BPIFC: variants seen among roughly 807,000 people sequenced by gnomAD.
BPIFC encodes the protein BPI fold containing family C.
A neutral mutation model predicts 57.6 loss-of-function variants in BPIFC; 60 were observed. The observed-to-expected ratio is 1.04, with a 90% CI of 0.85 to 1.29. The LOEUF is 1.29. Ranked by LOEUF, BPIFC falls within the 50% of genes most tolerant of loss-of-function variation. The probability of loss-of-function intolerance (pLI) is 0.00; values close to 1 mark genes in which losing one functional copy is unlikely to be tolerated. For synonymous variants in BPIFC, 243 were observed against 224.5 expected, an observed-to-expected ratio of 1.08 and a Z score of -0.74; for missense variants, 581 against 600.5, an observed-to-expected ratio of 0.97 and a Z score of 0.34.
Position 32,457,360 on chromosome 22 carries a change from G to T in BPIFC, c.27C>A (p.Leu9=). MCTKTIPV[L]WGCFLLWNLY... is the part of the protein sequence containing the mutation. ...GATTCCACAGGAGGAAACATCCCCA[G>T]AGGACTGGGATTGTCTTTGTACACA... The change falls in exon 3 of 17, where the codon CTC becomes CTA. Residue 9 remains leucine, a synonymous_variant. Coordinates refer to ENST00000300399, the MANE Select transcript of BPIFC (RefSeq NM_174932.3). 1.9e-6 allele frequency: 3 copies of T among 1,610,722 alleles called. No homozygotes were observed. Among genetic ancestry groups the T allele is most frequent in the Non-Finnish European group, 2.5e-6 (3 of 1,179,060 alleles).
At chr22:32,446,718 C>T (rs1934740007) in intron 5 of BPIFC, 1 of 983,190 alleles carries the variant, frequency 1.0e-6, no homozygotes, top group African/African-American at 1.7e-5. Context: ...TTGCAACTGG[C>T]CTGTAAAAGT....
Position 32,418,598 on chromosome 22 carries a change from G to A in BPIFC, c.1260+764C>T, listed in dbSNP as rs371912159. On this transcript the variant is annotated intron_variant, in intron 14 of 16. Transcript: ENST00000300399. ...AGAACCACTGCTTTAGAATGTAAGC[G>A]CCTTGAGGGTAGAGATTTTATCTGT... is the stretch of plus-strand genomic sequence containing the variant. Among the ~76,000 whole-genome samples, 23 of 152,242 alleles carry A rather than the reference G, an allele frequency of 1.5e-4. No individual in the cohort carries two copies. The East Asian group carries it at 2.9e-3, about 19-fold the overall frequency.
rs1934243807 is a variant in BPIFC, at chr22:32,431,549, T to C, written c.1150-135A>G. On this transcript the variant is annotated intron_variant, in intron 12 of 16. Coordinates refer to ENST00000300399, the MANE Select transcript of BPIFC (RefSeq NM_174932.3). ...AAAGACATTGGAAGTCTAAAAGACA[T>C]TGGAAATACAGACCTCTGAAAATCC... The C allele has an allele frequency of 8.1e-6, 5 of 616,110 alleles. No individual in the cohort carries two copies. In the Admixed American group the frequency reaches 1.2e-4, roughly 15 times the overall value. 38.2% of individuals were successfully genotyped at this position (616,110 alleles called of 1,614,324 possible).
intron 4 of BPIFC, among the ~76,000 whole-genome samples, chr22:32,451,265 G>A (rs1199128381): frequency 6.6e-6 from 1 of 152,130 alleles, no homozygotes; most frequent in Non-Finnish European, 1.5e-5. Flanking sequence ...TCTTAATCCA[G>A]TCTATCATAG....
At chr22:32,437,713 T>A in intron 9 of BPIFC, 47 bp downstream of exon 9, 1 of 1,332,446 alleles carries the variant, frequency 7.5e-7, no homozygotes, top group Non-Finnish European at 1.1e-6. Flanking sequence ...TTTCTAAATA[T>A]TGGCTGTTGA....
chr22:32,433,312 C>T (rs957073825), intron 11 of BPIFC, among the ~76,000 whole-genome samples: 2 of 152,182 alleles, frequency 1.3e-5, no homozygotes, highest in African/African-American at 4.8e-5. Context: ...ATCCCTAGCC[C>T]GTAGGTTCAT....
intron 9 of BPIFC, among the ~76,000 whole-genome samples, chr22:32,436,763 A>G (rs1250842690): frequency 6.6e-6 from 1 of 152,222 alleles, no homozygotes; most frequent in East Asian, 1.9e-4. Flanking sequence ...GTGTCTGCTG[A>G]GTACCTGGGG....
In BPIFC at chr22:32,442,695, T is replaced by C; in HGVS notation, c.631A>G (p.Asn211Asp). 1 of 1,613,972 alleles carries C rather than the reference T, an allele frequency of 6.2e-7. No homozygotes were observed. Among genetic ancestry groups the C allele is most frequent in the East Asian group, 2.2e-5 (1 of 44,876 alleles). Reference sequence around the variant, plus strand: ...CCCTCCAGTGTGCTGAGGTTGGCATTTAGCGCTTTGACTTCACTTGCAATA... The same window carrying C: ...CCCTCCAGTGTGCTGAGGTTGGCATCTAGCGCTTTGACTTCACTTGCAATA... ...PIIASEVKAL[N>D]ANLSTLEVLT... Residue 211 changes from asparagine to aspartate, a missense_variant, in exon 8 of 17, where the codon AAT (asparagine) becomes GAT (aspartate). By Grantham distance (23) the Asn-to-Asp change is conservative. Coordinates refer to ENST00000300399, the MANE Select transcript of BPIFC (RefSeq NM_174932.3).
chr22:32,414,680 A>C (rs1393563628), intron 16 of BPIFC, among the ~76,000 whole-genome samples: 1 of 151,866 alleles, frequency 6.6e-6, no homozygotes, highest in African/African-American at 2.4e-5. Flanking sequence ...CACCCGGCTA[A>C]TTTTTGTATT....
Position 32,414,185 on chromosome 22 carries a change from GC to G in BPIFC, c.*117del. Reference sequence around the variant, plus strand: ...GAAGGCTTAAGAAAGAAAACTTTCTGCCTAAGCAATTCACAAGGGCTTTACA... The same window carrying G: ...GAAGGCTTAAGAAAGAAAACTTTCTGCTAAGCAATTCACAAGGGCTTTACA... On this transcript the variant is annotated 3_prime_UTR_variant, in exon 17 of 17. Coordinates refer to ENST00000300399, the MANE Select transcript of BPIFC (RefSeq NM_174932.3). The G allele has an allele frequency of 7.2e-7, 1 of 1,391,838 alleles. No individual in the cohort carries two copies. Among genetic ancestry groups the G allele is most frequent in the South Asian group, 1.4e-5 (1 of 69,204 alleles). The allele number at this position is 1,391,838 out of a possible 1,614,324, so 86.2% of individuals were successfully genotyped here.
chr22:32,460,487 T>C lies in BPIFC; in HGVS notation c.-1+1087A>G, dbSNP rs181115500. Reference sequence around the variant, plus strand: ...GTCTGTGGGTAAGTTCATCTTCAGGTCTGAGAAGGCTGGCTGGGTCAACCT... The same window carrying C: ...GTCTGTGGGTAAGTTCATCTTCAGGCCTGAGAAGGCTGGCTGGGTCAACCT... On this transcript the variant is annotated intron_variant, in intron 2 of 16. Coordinates refer to ENST00000300399, the MANE Select transcript of BPIFC (RefSeq NM_174932.3). 5.9e-5 allele frequency among the ~76,000 whole-genome samples: 9 copies of C among 152,300 alleles called. No homozygotes were observed. The East Asian group carries it at 9.6e-4, about 16-fold the overall frequency.
chr22:32,437,899 T>C lies in BPIFC; in HGVS notation c.656-48A>G, dbSNP rs1934454472. On this transcript the variant is annotated intron_variant, in intron 8 of 16. Transcript: ENST00000300399. Reference sequence around the variant, plus strand: ...AGAAAATCCATATTCATTAAAGGCATAGTATAATATATGAATGATGTCTAT... The same window carrying C: ...AGAAAATCCATATTCATTAAAGGCACAGTATAATATATGAATGATGTCTAT... 3.7e-6 allele frequency: 4 copies of C among 1,071,656 alleles called. No homozygotes were observed. The East Asian group carries it at 7.4e-5, about 20-fold the overall frequency. The allele number at this position is 1,071,656 out of a possible 1,614,324, so 66.4% of individuals were successfully genotyped here. A position where few individuals can be genotyped will look rare whatever the true frequency, so the allele number is the denominator to read the frequency against.
chr22:32,445,548 C>A (rs1934696625), intron 7 of BPIFC, 87 bp downstream of exon 7: 2 of 1,376,514 alleles, frequency 1.5e-6, no homozygotes, highest in East Asian at 2.3e-5. Context: ...AAAAAACAAA[C>A]AAACAAACAA....
chr22:32,437,032 G>C (rs969688430), intron 9 of BPIFC, among the ~76,000 whole-genome samples: 2 of 152,176 alleles, frequency 1.3e-5, no homozygotes, highest in Non-Finnish European at 2.9e-5. Context: ...ACGTGCTTAT[G>C]GCCCTGACAG....
chr22:32,435,639 AATAGGATACTTATAAAAAGGCTGAATG>A, intron 10 of BPIFC, 38 bp downstream of exon 10: 1 of 1,515,530 alleles, frequency 6.6e-7, no homozygotes, highest in Non-Finnish European at 8.9e-7. Context: ...AAAGTTCTAC[AATAGGATACTTATAAAAAGGCTGAATG>A]ATGGTGACCA....
chr22:32,437,751 T>C lies in BPIFC; in HGVS notation c.747+9A>G. ...GCCAGGCTGAGGATTCTGATGATGATAAAGTTACCTTCAAGTTCAGGTCAA... is the reference window on the plus strand; with the variant it reads ...GCCAGGCTGAGGATTCTGATGATGACAAAGTTACCTTCAAGTTCAGGTCAA... On this transcript the variant is annotated intron_variant, in intron 9 of 16. Transcript: ENST00000300399. 1.9e-6 allele frequency: 3 copies of C among 1,569,724 alleles called. No homozygotes were observed.
At position 32,447,282 on chromosome 22, in the gene BPIFC, C is replaced by T; in HGVS notation, c.304G>A (p.Gly102Arg). 6 of 1,614,094 alleles carry T rather than the reference C, an allele frequency of 3.7e-6. No individual in the cohort carries two copies. Among genetic ancestry groups the T allele is most frequent in the Non-Finnish European group, 5.1e-6 (6 of 1,180,010 alleles). Residue 102 changes from glycine (G) to arginine (R), a missense_variant, in exon 5 of 17, where the codon GGA becomes AGA. By Grantham distance (125) the Gly-to-Arg change is moderately radical (BLOSUM62 -2). Coordinates refer to ENST00000300399, the MANE Select transcript of BPIFC (RefSeq NM_174932.3). ...CCATGGTTGGTTAGCGCTTTGATTC[C>T]CACTCCAGGCACAAAAGCCAATGAG... ...NTSLAFVPGV[G>R]IKALTNHGTA...
chr22:32,437,716 G>C (rs750720714), intron 9 of BPIFC, 44 bp downstream of exon 9: 36 of 1,366,006 alleles, frequency 2.6e-5, no homozygotes, highest in Non-Finnish European at 3.3e-5. Context: ...CTAAATATTG[G>C]CTGTTGACAG....
At chr22:32,453,345 C>A in intron 4 of BPIFC, 38 bp downstream of exon 4, 2 of 1,445,580 alleles carry the variant, frequency 1.4e-6, no homozygotes, top group South Asian at 1.3e-5. Context: ...TTCCTTTGAG[C>A]TTCTTATAAG....
Sources: gnomAD v4.1 joint callset for allele counts (sites outside exome capture counted in the v4.1 genomes callset) on GRCh38, gnomAD v4.1.1 for gene constraint, MANE v1.5 for transcripts, NCBI Gene and HGNC (gene_info 2026-07-23, HGNC 2026-07-21) for gene names.